The following PCGF6 variants were observed in gnomAD, a reference collection of about 807,000 sequenced individuals.
PCGF6 encodes polycomb group ring finger 6, also known as polycomb group RING finger protein 6.
In PCGF6, 24 loss-of-function variants were observed where a neutral mutation model predicts 45.5. The observed-to-expected ratio is 0.53, with a 90% CI of 0.38 to 0.74. The LOEUF (loss-of-function observed/expected upper bound fraction) is 0.74, where lower values mean the gene tolerates loss of function less well. PCGF6 is among the 30% of genes least tolerant of loss of function. The pLI, the probability that PCGF6 is intolerant of heterozygous loss-of-function variation, is 0.00. For missense variants in PCGF6, 356 were observed against 443.2 expected, an observed-to-expected ratio of 0.80 and a Z score of 1.77; for synonymous variants, 152 against 162.1, an observed-to-expected ratio of 0.94 and a Z score of 0.47.
chr10:103,328,383 T>A (rs1196995320), intron 7 of PCGF6, among the ~76,000 whole-genome samples: 1 of 152,122 alleles, frequency 6.6e-6, no homozygotes, highest in Non-Finnish European at 1.5e-5. Flanking sequence ...TTTTTCTAGG[T>A]GTCTTGGGCT....
At chr10:103,316,007 TATATATAG>T (rs1247749610) in intron 8 of PCGF6, among the ~76,000 whole-genome samples, 5 of 128,032 alleles carry the variant, frequency 3.9e-5, no homozygotes, top group South Asian at 4.9e-4. Context: ...TATATATATA[TATATATAG>T]AGAGAGAGAG....
chr10:103,329,396 T>C (rs1406958847), intron 7 of PCGF6, among the ~76,000 whole-genome samples: 1 of 152,006 alleles, frequency 6.6e-6, no homozygotes, highest in Non-Finnish European at 1.5e-5. Flanking sequence ...CTGTCATTAC[T>C]AAAAGAGAAA....
At position 103,303,346 on chromosome 10, in the gene PCGF6, G is replaced by A. The variant is rs1182670643; in HGVS notation, c.*559C>T. ...CACATAATAACAATTCATCCATTTT[G>A]AAATGAGTAACTTCTCCTTTGTAGT... On this transcript the variant is annotated 3_prime_UTR_variant, in exon 10 of 10. Coordinates refer to ENST00000369847, the MANE Select transcript of PCGF6 (RefSeq NM_001011663.2). The A allele has an allele frequency of 6.6e-6, 1 of 152,264 alleles. No homozygotes were observed. The highest frequency in any genetic ancestry group is 1.5e-5 in the Non-Finnish European group (1 of 68,110). The allele number at this position is 152,264 out of a possible 1,614,324, so 9.4% of individuals were successfully genotyped here. A position where few individuals can be genotyped will look rare whatever the true frequency, so the allele number is the denominator to read the frequency against.
intron 8 of PCGF6, among the ~76,000 whole-genome samples, chr10:103,326,241 C>T (rs1030937941): frequency 6.6e-6 from 1 of 151,518 alleles, no homozygotes; most frequent in Admixed American, 6.6e-5. Context: ...AAAAAAAAAT[C>T]AGCCGGGTGC....
rs61760880 is a variant in PCGF6 at position 103,345,062 on chromosome 10, T to C, written c.744A>G (p.Pro248=). 1.8e-3 allele frequency: 2,896 copies of C among 1,612,710 alleles called. 1 individual carries two copies. Among genetic ancestry groups the C allele is most frequent in the Non-Finnish European group, 2.3e-3 (2,695 of 1,179,100 alleles). The change falls in exon 6 of 10, where the codon CCA becomes CCG. Residue 248 remains proline, a synonymous_variant. Coordinates refer to ENST00000369847, the MANE Select transcript of PCGF6 (RefSeq NM_001011663.2). Reference sequence around the variant, plus strand: ...GTAATAAAGACATATCAAGTTCAGGTGGAATACGAAACACTGATTCTAGGA... The same window carrying C: ...GTAATAAAGACATATCAAGTTCAGGCGGAATACGAAACACTGATTCTAGGA... ...KKVLESVFRI[P]PELDMSLLLE... is the part of the protein sequence containing the mutation.
In PCGF6 at chr10:103,318,453, A is replaced by G. The variant is rs1203574290; in HGVS notation, c.910-4181T>C. 2.0e-5 allele frequency among the ~76,000 whole-genome samples: 3 copies of G among 150,968 alleles called. No homozygotes were observed. In the East Asian group the frequency reaches 5.9e-4, roughly 29 times the overall value. On this transcript the variant is annotated intron_variant, in intron 8 of 9. Transcript: ENST00000369847. ...GGGAGACTCCATCTCAAAAAAAAAA[A>G]AAGAAAAAAGTGCGGGTGCGGTGGC...
At chr10:103,309,479 T>C (rs1249775047) in intron 9 of PCGF6, among the ~76,000 whole-genome samples, 1 of 152,216 alleles carries the variant, frequency 6.6e-6, no homozygotes, top group Admixed American at 6.5e-5. Flanking sequence ...TCAGCCATGA[T>C]TGGAAGCTAA....
At chr10:103,343,095 AT>A (rs1174169164) in intron 6 of PCGF6, among the ~76,000 whole-genome samples, 3 of 151,768 alleles carry the variant, frequency 2.0e-5, no homozygotes, top group African/African-American at 7.3e-5. Flanking sequence ...CGACCAGCTA[AT>A]TTTTTGTATT....
chr10:103,303,938 A>G lies in PCGF6; in HGVS notation c.1020T>C (p.Tyr340=), dbSNP rs748221339. 5.6e-6 allele frequency: 9 copies of G among 1,613,670 alleles called. No homozygotes were observed. The African/African-American group carries it at 8.0e-5, about 14-fold the overall frequency. ...AMQDGLLVLH[Y]GLVVSPLKIT Reference sequence around the variant, plus strand: ...TCTTCAGAGGAGAAACCACAAGACCATAATGAAGGACAAGCAGACCATCCT... The same window carrying G: ...TCTTCAGAGGAGAAACCACAAGACCGTAATGAAGGACAAGCAGACCATCCT... Residue 340 remains tyrosine, a synonymous_variant, in exon 10 of 10, where the codon TAT becomes TAC. Coordinates refer to ENST00000369847, the MANE Select transcript of PCGF6 (RefSeq NM_001011663.2).
chr10:103,344,559 T>C (rs2093292524), intron 6 of PCGF6, among the ~76,000 whole-genome samples: 1 of 150,242 alleles, frequency 6.7e-6, no homozygotes, highest in Non-Finnish European at 1.5e-5. Context: ...TAAGCCACCA[T>C]GCCCAGCCTT....
At chr10:103,341,153 C>T (rs1208970733) in intron 6 of PCGF6, among the ~76,000 whole-genome samples, 2 of 151,698 alleles carry the variant, frequency 1.3e-5, no homozygotes, top group Non-Finnish European at 2.9e-5. Context: ...CGCTTGAACC[C>T]GGGAGGTGGA....
At chr10:103,350,189 C>T (rs1489378672) in intron 1 of PCGF6, among the ~76,000 whole-genome samples, 1 of 151,490 alleles carries the variant, frequency 6.6e-6, no homozygotes, top group Non-Finnish European at 1.5e-5. Context: ...TGTAATCTTT[C>T]GGAAGGCCAG....
intron 5 of PCGF6, among the ~76,000 whole-genome samples, chr10:103,346,309 T>C (rs1024111693): frequency 1.3e-5 from 2 of 150,320 alleles, no homozygotes; most frequent in African/African-American, 4.9e-5. Flanking sequence ...CTGACAAACA[T>C]GGAGAAACCC....
chr10:103,306,977 G>A (rs1220961597), intron 9 of PCGF6, among the ~76,000 whole-genome samples: 2 of 152,006 alleles, frequency 1.3e-5, no homozygotes, highest in East Asian at 1.9e-4. Context: ...GGTGGCACAT[G>A]TCTATATTTC....
At chr10:103,340,196 A>AT (rs1397610873) in intron 6 of PCGF6, among the ~76,000 whole-genome samples, 1,431 of 99,226 alleles carry the variant, frequency 0.014, 2 homozygotes, top group African/African-American at 0.028. Context: ...AAAAAAAAAA[A>AT]AAATATATAT....
At chr10:103,323,660 T>C (rs182664731) in intron 8 of PCGF6, among the ~76,000 whole-genome samples, 364 of 152,124 alleles carry the variant, frequency 2.4e-3, no homozygotes, top group African/African-American at 7.7e-3. Flanking sequence ...TGGCATGATC[T>C]TGACTCACTG....
At chr10:103,330,019 C>T (rs1393391780) in intron 7 of PCGF6, among the ~76,000 whole-genome samples, 5 of 151,752 alleles carry the variant, frequency 3.3e-5, no homozygotes, top group African/African-American at 1.2e-4. Flanking sequence ...CCACCCGCCT[C>T]AGCCTCCCAA....
chr10:103,326,877 G>T (rs1239139577), intron 7 of PCGF6, among the ~76,000 whole-genome samples: 1 of 152,068 alleles, frequency 6.6e-6, no homozygotes, highest in African/African-American at 2.4e-5. Flanking sequence ...AGGCTTGCTG[G>T]TTTATTTTAA....
intron 8 of PCGF6, among the ~76,000 whole-genome samples, chr10:103,319,310 G>A (rs1398588023): frequency 6.6e-6 from 1 of 151,980 alleles, no homozygotes; most frequent in East Asian, 1.9e-4. Flanking sequence ...ACCATGCCCA[G>A]CTAATTTTTT....
Sources: gnomAD v4.1 joint callset for allele counts (sites outside exome capture counted in the v4.1 genomes callset) on GRCh38, gnomAD v4.1.1 for gene constraint, MANE v1.5 for transcripts, NCBI Gene and HGNC (gene_info 2026-07-23, HGNC 2026-07-21) for gene names.